Variants in CLSTN2 observed in about 807,000 individuals in gnomAD.
CLSTN2 encodes the protein calsyntenin-2.
CLSTN2 carries 48 observed loss-of-function variants against 101.2 expected under a neutral mutation model. That is an observed-to-expected ratio of 0.47 (90% CI 0.38 to 0.60). The LOEUF is 0.60. CLSTN2 is among the 20% of genes least tolerant of loss of function. CLSTN2 has a pLI of 0.00. For synonymous variants in CLSTN2, 481 were observed against 463.6 expected (o/e 1.04, Z -0.48); for missense variants, 1,160 against 1,238.2 (o/e 0.94, Z 0.95).
chr3:140,512,909 C>T (rs1314142229), intron 8 of CLSTN2, among the ~76,000 whole-genome samples: 1 of 152,040 alleles, frequency 6.6e-6, no homozygotes, highest in East Asian at 1.9e-4. Context: ...ATTTGGTTCT[C>T]TGCTTGCATG....
chr3:140,236,205 A>G (rs1162138899), intron 2 of CLSTN2, among the ~76,000 whole-genome samples: 1 of 152,190 alleles, frequency 6.6e-6, no homozygotes, highest in Non-Finnish European at 1.5e-5. Flanking sequence ...TTGTGCCATT[A>G]TAAGAATTTT....
At chr3:140,090,489 A>G (rs895661279) in intron 1 of CLSTN2, among the ~76,000 whole-genome samples, 1 of 152,068 alleles carries the variant, frequency 6.6e-6, no homozygotes, top group African/African-American at 2.4e-5. Flanking sequence ...GATCAGTGAG[A>G]AAAAACAAAG....
intron 1 of CLSTN2, among the ~76,000 whole-genome samples, chr3:140,168,811 T>C (rs1490862521): frequency 6.6e-6 from 1 of 152,138 alleles, no homozygotes; most frequent in Admixed American, 6.6e-5. Flanking sequence ...ACCATATGTA[T>C]GTGTCTATTT....
chr3:140,116,580 C>T (rs77936141), intron 1 of CLSTN2, among the ~76,000 whole-genome samples: 14,061 of 152,174 alleles, frequency 0.092, 1,007 homozygotes, highest in Admixed American at 0.18. Flanking sequence ...CCTGCAGGGC[C>T]GATCCTGTAC....
chr3:140,099,461 A>G (rs2008928850), intron 1 of CLSTN2, among the ~76,000 whole-genome samples: 1 of 152,094 alleles, frequency 6.6e-6, no homozygotes, highest in Admixed American at 6.6e-5. Flanking sequence ...ATTGAATTGA[A>G]GGCCAGCTTG....
chr3:140,509,958 A>G (rs1934775880), intron 8 of CLSTN2, among the ~76,000 whole-genome samples: 2 of 152,256 alleles, frequency 1.3e-5, no homozygotes, highest in East Asian at 1.9e-4. Flanking sequence ...AAAATACCAT[A>G]AATTAAAAAT....
chr3:140,126,291 A>C (rs1278708380), intron 1 of CLSTN2, among the ~76,000 whole-genome samples: 1 of 152,090 alleles, frequency 6.6e-6, no homozygotes, highest in Non-Finnish European at 1.5e-5. Flanking sequence ...GCTTGGAAGT[A>C]GGCAGATGGC....
At chr3:139,994,819 G>T (rs1366357588) in intron 1 of CLSTN2, among the ~76,000 whole-genome samples, 2 of 152,304 alleles carry the variant, frequency 1.3e-5, no homozygotes, top group East Asian at 3.9e-4. Context: ...AGGCAGTAAA[G>T]GTGCCGTAAA....
At chr3:139,952,208 T>C (rs1935306791) in intron 1 of CLSTN2, among the ~76,000 whole-genome samples, 1 of 152,222 alleles carries the variant, frequency 6.6e-6, no homozygotes, top group Non-Finnish European at 1.5e-5. Context: ...AAGGGATGTA[T>C]GTATTTCTGA....
At chr3:140,407,684 C>A (rs775283771) in intron 4 of CLSTN2, among the ~76,000 whole-genome samples, 3 of 152,212 alleles carry the variant, frequency 2.0e-5, no homozygotes, top group Non-Finnish European at 2.9e-5. Flanking sequence ...GAGTTCATCA[C>A]ATCACCTTCC....
At chr3:140,317,927 C>G (rs966172837) in intron 2 of CLSTN2, among the ~76,000 whole-genome samples, 2 of 152,200 alleles carry the variant, frequency 1.3e-5, no homozygotes, top group Non-Finnish European at 2.9e-5. Context: ...CCTTGTGCTG[C>G]TGTGCAGGCA....
At chr3:140,137,734 C>A (rs2107807421) in intron 1 of CLSTN2, among the ~76,000 whole-genome samples, 1 of 152,242 alleles carries the variant, frequency 6.6e-6, no homozygotes, top group South Asian at 2.1e-4. Context: ...CTCAGCCTTT[C>A]CTCACTTAAT....
At chr3:140,390,103 T>A (rs79370493) in intron 2 of CLSTN2, among the ~76,000 whole-genome samples, 5 of 138,214 alleles carry the variant, frequency 3.6e-5, no homozygotes, top group Admixed American at 2.2e-4. Flanking sequence ...AAAAAAAAAA[T>A]ACATAACATA....
At chr3:140,028,834 G>A (rs1169587716) in intron 1 of CLSTN2, among the ~76,000 whole-genome samples, 1 of 152,186 alleles carries the variant, frequency 6.6e-6, no homozygotes, top group African/African-American at 2.4e-5. Context: ...GACAGGGCCA[G>A]GGAAAGCCAG....
chr3:140,218,369 A>G (rs2010945869), intron 2 of CLSTN2, among the ~76,000 whole-genome samples: 1 of 152,216 alleles, frequency 6.6e-6, no homozygotes, highest in Non-Finnish European at 1.5e-5. Context: ...TGTTTCTGCC[A>G]TAATCCAGGC....
chr3:139,955,139 T>TATATATATATA (rs1935370868), intron 1 of CLSTN2, among the ~76,000 whole-genome samples: 2 of 139,860 alleles, frequency 1.4e-5, no homozygotes, highest in African/African-American at 2.7e-5. Flanking sequence ...TATATATATA[T>TATATATATATA]GGCAATTCCA....
chr3:140,045,150 C>T (rs920893102), intron 1 of CLSTN2, among the ~76,000 whole-genome samples: 10 of 152,214 alleles, frequency 6.6e-5, no homozygotes, highest in South Asian at 4.2e-4. Context: ...GCTGTGAATC[C>T]GTCTGGTCCT....
intron 8 of CLSTN2, among the ~76,000 whole-genome samples, chr3:140,509,132 A>G (rs1460970420): frequency 6.6e-6 from 1 of 152,212 alleles, no homozygotes; most frequent in Non-Finnish European, 1.5e-5. Context: ...TACCTGGAAC[A>G]TATGTGTGAA....
chr3:140,262,172 A>G (rs1486273135), intron 2 of CLSTN2, among the ~76,000 whole-genome samples: 1 of 152,162 alleles, frequency 6.6e-6, no homozygotes, highest in Non-Finnish European at 1.5e-5. Context: ...AAGCATGTTT[A>G]TGTGCTGCTG....
Sources: allele counts gnomAD v4.1 joint callset (sites outside exome capture counted in the v4.1 genomes callset), GRCh38; gene constraint gnomAD v4.1.1; transcripts MANE v1.5; gene names NCBI Gene and HGNC (gene_info 2026-07-23, HGNC 2026-07-21).